Variants in FAM227B observed in about 807,000 individuals in gnomAD.
FAM227B encodes protein FAM227B.
Under a neutral mutation model 73.8 loss-of-function variants are expected in FAM227B, and 88 were observed. The observed-to-expected ratio is 1.19, with a 90% CI of 1.00 to 1.42. The LOEUF is 1.42. FAM227B is among the 40% of genes most tolerant of loss of function. The pLI is 0.00. For synonymous variants in FAM227B, 210 were observed against 190.5 expected, an observed-to-expected ratio of 1.10 and a Z score of -0.84; for missense variants, 632 against 590.9, an observed-to-expected ratio of 1.07 and a Z score of -0.72.
intron 13 of FAM227B, among the ~76,000 whole-genome samples, chr15:49,340,108 C>G (rs554850238): frequency 4.6e-5 from 7 of 152,176 alleles, no homozygotes; most frequent in Non-Finnish European, 1.0e-4. Flanking sequence ...CTTCTGCCCC[C>G]TTTCCAGGGG....
intron 10 of FAM227B, among the ~76,000 whole-genome samples, chr15:49,525,203 G>A (rs1333940566): frequency 6.6e-6 from 1 of 152,136 alleles, no homozygotes; most frequent in Non-Finnish European, 1.5e-5. Flanking sequence ...GAGGGACCCA[G>A]TGGGAGGTAA....
chr15:49,339,665 C>T (rs748489516), intron 13 of FAM227B, among the ~76,000 whole-genome samples: 1 of 152,130 alleles, frequency 6.6e-6, no homozygotes, highest in African/African-American at 2.4e-5. Flanking sequence ...CTGGGAGATC[C>T]GCTGCTGTCT....
intron 11 of FAM227B, among the ~76,000 whole-genome samples, chr15:49,407,836 CG>C (rs1284564748): frequency 6.6e-6 from 1 of 151,860 alleles, no homozygotes; most frequent in African/African-American, 2.4e-5. Flanking sequence ...CTTTCATGCC[CG>C]GTTGTTGTCA....
chr15:49,619,050 C>A (rs1220956119), intron 1 of FAM227B, among the ~76,000 whole-genome samples: 3 of 150,716 alleles, frequency 2.0e-5, no homozygotes, highest in Non-Finnish European at 2.9e-5. Context: ...GCCATACTTT[C>A]TTTCTTGTCA....
intron 11 of FAM227B, among the ~76,000 whole-genome samples, chr15:49,494,855 A>G (rs1481183802): frequency 6.6e-6 from 1 of 152,206 alleles, no homozygotes; most frequent in African/African-American, 2.4e-5. Context: ...CACTCAGCAA[A>G]TATTTATTAA....
rs190949452 is a variant in FAM227B, at chr15:49,402,910, G to A, written c.1013-31511C>T. Among the ~76,000 whole-genome samples, 1,120 of 152,264 alleles carry A rather than the reference G, an allele frequency of 7.4e-3. 19 individuals are homozygous for A. Among genetic ancestry groups the A allele is most frequent in the African/African-American group, 0.025 (1,054 of 41,528 alleles). ...TTGTCCATTCAGTATGATATTGGCT[G>A]TGGGTCTGTCATATATGGCTCTTAT... On this transcript the variant is annotated intron_variant, in intron 11 of 15. Coordinates refer to ENST00000299338, the MANE Select transcript of FAM227B (RefSeq NM_152647.3).
chr15:49,396,208 C>G, intron 11 of FAM227B: 1 of 346,150 alleles, frequency 2.9e-6, no homozygotes, highest in Non-Finnish European at 5.7e-6. Context: ...CAGGGAGTTC[C>G]CTTTCCGAGT....
intron 11 of FAM227B, among the ~76,000 whole-genome samples, chr15:49,394,692 G>A (rs2047449536): frequency 1.3e-5 from 2 of 152,100 alleles, no homozygotes; most frequent in South Asian, 4.1e-4. Flanking sequence ...AGTTGAAGGT[G>A]AGTGCAAATA....
chr15:49,529,261 C>T (rs767684076), intron 10 of FAM227B, among the ~76,000 whole-genome samples: 1 of 151,186 alleles, frequency 6.6e-6, no homozygotes, highest in Non-Finnish European at 1.5e-5. Context: ...TAAGTGGGAA[C>T]TAAACAATGG....
At chr15:49,417,430 T>C (rs913022074) in intron 11 of FAM227B, among the ~76,000 whole-genome samples, 3 of 151,848 alleles carry the variant, frequency 2.0e-5, no homozygotes, top group Non-Finnish European at 2.9e-5. Context: ...AACTATACTA[T>C]AAGGCTACAG....
chr15:49,576,848 A>G lies in FAM227B; in HGVS notation c.442-3T>C. On this transcript the variant is annotated splice_region_variant and splice_polypyrimidine_tract_variant and intron_variant, in intron 6 of 15. Transcript: ENST00000299338. Reference sequence around the variant, plus strand: ...TTGAATCCTGTGAAGCTGCAACCCTAGAAAGAGGAAAATATAACAGGAGAG... The same window carrying G: ...TTGAATCCTGTGAAGCTGCAACCCTGGAAAGAGGAAAATATAACAGGAGAG... The G allele has an allele frequency of 4.4e-6, 7 of 1,583,238 alleles. No individual in the cohort carries two copies. Among genetic ancestry groups the G allele is most frequent in the Non-Finnish European group, 6.1e-6 (7 of 1,154,634 alleles).
intron 15 of FAM227B, chr15:49,329,806 TA>T (rs558009170): frequency 0.3 from 214,437 of 718,378 alleles, 2,734 homozygotes; most frequent in Non-Finnish European, 0.32. Context: ...TGGATCAGTG[TA>T]AAAAAAAAAA....
intron 13 of FAM227B, among the ~76,000 whole-genome samples, chr15:49,344,617 T>G (rs1414469585): frequency 6.6e-6 from 1 of 152,202 alleles, no homozygotes; most frequent in Non-Finnish European, 1.5e-5. Flanking sequence ...TGGTCTTGCT[T>G]AGCTTGGACT....
intron 11 of FAM227B, among the ~76,000 whole-genome samples, chr15:49,457,227 C>G (rs1047990044): frequency 6.6e-6 from 1 of 151,826 alleles, no homozygotes; most frequent in Admixed American, 6.6e-5. Context: ...AGAAAGTAGG[C>G]AAAGAGAGAA....
chr15:49,358,997 CT>C (rs1366928101), intron 13 of FAM227B, among the ~76,000 whole-genome samples: 1 of 151,668 alleles, frequency 6.6e-6, no homozygotes, highest in Admixed American at 6.6e-5. Flanking sequence ...AAAGGATTCC[CT>C]ATTTAATAAA....
chr15:49,350,973 C>T (rs1232114875), intron 13 of FAM227B, among the ~76,000 whole-genome samples: 1 of 152,220 alleles, frequency 6.6e-6, no homozygotes, highest in Non-Finnish European at 1.5e-5. Flanking sequence ...CCACCATGTA[C>T]CACTGAGCAC....
chr15:49,541,883 AT>A, intron 9 of FAM227B, 77 bp from the exon 10 acceptor site: 2 of 1,096,018 alleles, frequency 1.8e-6, no homozygotes, highest in Non-Finnish European at 1.2e-6. Context: ...AGAAATTATT[AT>A]TTTTTAAATT....
intron 15 of FAM227B, chr15:49,329,777 A>G: frequency 2.1e-6 from 2 of 957,186 alleles, no homozygotes; most frequent in Non-Finnish European, 2.5e-6. Context: ...TGGTTGGTAT[A>G]TAATTCTTTA....
At chr15:49,615,926 G>C (rs1305543236) in intron 1 of FAM227B, among the ~76,000 whole-genome samples, 2 of 152,082 alleles carry the variant, frequency 1.3e-5, no homozygotes, top group East Asian at 3.9e-4. Context: ...TGGAATTAAG[G>C]CTATTATGGT....
Sources: allele counts gnomAD v4.1 joint callset (sites outside exome capture counted in the v4.1 genomes callset), GRCh38; gene constraint gnomAD v4.1.1; transcripts MANE v1.5; gene names NCBI Gene and HGNC (gene_info 2026-07-23, HGNC 2026-07-21).